Variants in CDH23 observed in about 807,000 individuals in gnomAD.
CDH23 encodes cadherin-23.
Under a neutral mutation model 317.1 loss-of-function variants are expected in CDH23, and 189 were observed. The ratio of observed to expected loss-of-function variants is 0.60; its 90% CI spans 0.53 to 0.67. CDH23 has a LOEUF of 0.67. Ranked by LOEUF, CDH23 falls within the 30% of genes least tolerant of loss-of-function variation. The probability of loss-of-function intolerance (pLI) is 0.00; values close to 1 mark genes in which losing one functional copy is unlikely to be tolerated. For synonymous variants in CDH23, 1,839 were observed against 1,876.8 expected, an observed-to-expected ratio of 0.98 and a Z score of 0.52; for missense variants, 4,401 against 4,592.4, an observed-to-expected ratio of 0.96 and a Z score of 1.20.
intron 6 of CDH23, among the ~76,000 whole-genome samples, chr10:71,514,909 A>G (rs890024186): frequency 6.6e-6 from 1 of 152,108 alleles, no homozygotes; most frequent in Non-Finnish European, 1.5e-5. Context: ...ATGGCGTTCC[A>G]ATTTGCTCAA....
chr10:71,407,660 C>T (rs925258108), intron 1 of CDH23, among the ~76,000 whole-genome samples: 2 of 152,248 alleles, frequency 1.3e-5, no homozygotes, highest in African/African-American at 4.8e-5. Context: ...GGCCGTGCAT[C>T]TTAGTCCTAA....
intron 8 of CDH23, among the ~76,000 whole-genome samples, chr10:71,573,767 C>T (rs563773960): frequency 6.6e-6 from 1 of 152,352 alleles, no homozygotes; most frequent in African/African-American, 2.4e-5. Flanking sequence ...CTGGGGGAGC[C>T]AGAAAAGGCA....
intron 32 of CDH23, among the ~76,000 whole-genome samples, chr10:71,733,398 T>C (rs1839455188): frequency 1.3e-5 from 2 of 152,208 alleles, no homozygotes; most frequent in South Asian, 4.1e-4. Flanking sequence ...CTCCAGCCTC[T>C]GTCCTCTTCC....
chr10:71,458,439 C>G, intron 3 of CDH23, among the ~76,000 whole-genome samples: 1 of 152,262 alleles, frequency 6.6e-6, no homozygotes, highest in East Asian at 1.9e-4. Context: ...CCCTTAACCT[C>G]TCTGAACCTC....
chr10:71,590,307 C>T (rs918941612), intron 9 of CDH23, among the ~76,000 whole-genome samples: 2 of 152,234 alleles, frequency 1.3e-5, no homozygotes, highest in Non-Finnish European at 2.9e-5. Flanking sequence ...TATTGCTCAA[C>T]ATCTGATTCT....
At chr10:71,566,978 T>C (rs1224636170) in intron 7 of CDH23, 42 bp downstream of exon 7, 1 of 1,587,992 alleles carries the variant, frequency 6.3e-7, no homozygotes, top group African/African-American at 1.3e-5. Flanking sequence ...CAGCTGCCTC[T>C]TCCCACCCTG....
intron 1 of CDH23, among the ~76,000 whole-genome samples, chr10:71,435,949 G>C (rs1554824183): frequency 2.0e-5 from 3 of 152,246 alleles, no homozygotes; most frequent in Non-Finnish European, 2.9e-5. Flanking sequence ...ATCAGCCTCT[G>C]CTCTCTCTGG....
intron 33 of CDH23, 83 bp from the exon 34 acceptor site, chr10:71,734,573 G>A (rs1310279666): frequency 3.1e-6 from 5 of 1,604,814 alleles, no homozygotes; most frequent in Middle Eastern, 1.7e-4. Flanking sequence ...CCGGGAGTGG[G>A]GTCTGGAAGA....
At chr10:71,566,062 C>T (rs941591736) in intron 6 of CDH23, among the ~76,000 whole-genome samples, 13 of 152,144 alleles carry the variant, frequency 8.5e-5, no homozygotes, top group African/African-American at 2.2e-4. Flanking sequence ...AAGGGGGAGA[C>T]GGGAATGGAC....
intron 28 of CDH23, chr10:71,719,757 C>G (rs1014834098): frequency 6.6e-6 from 1 of 152,428 alleles, no homozygotes; most frequent in Non-Finnish European, 1.5e-5. Context: ...CTGCAGCCCT[C>G]GGTCAGCCTG....
chr10:71,777,618 T>G, intron 38 of CDH23, 62 bp from the exon 39 acceptor site: 1 of 1,464,694 alleles, frequency 6.8e-7, no homozygotes, highest in Non-Finnish European at 9.4e-7. Flanking sequence ...AGAACAGCCA[T>G]CTGGATCCAC....
chr10:71,774,890 GC>G (rs1274582541), intron 38 of CDH23, among the ~76,000 whole-genome samples: 1 of 152,180 alleles, frequency 6.6e-6, no homozygotes, highest in Non-Finnish European at 1.5e-5. Flanking sequence ...CTTGTGGGTG[GC>G]CTGATCCAAG....
chr10:71,615,720 G>T, intron 10 of CDH23, 104 bp downstream of exon 10: 2 of 791,890 alleles, frequency 2.5e-6, no homozygotes, highest in Non-Finnish European at 4.2e-6. Context: ...TGGTGGCGCC[G>T]GAAGCACTTC....
chr10:71,815,587 G>A lies in CDH23; in HGVS notation c.*309G>A. 1 of 260,796 alleles carries A rather than the reference G, an allele frequency of 3.8e-6. No individual in the cohort carries two copies. The allele number at this position is 260,796 out of a possible 1,614,324, so 16.2% of individuals were successfully genotyped here. ...AGAGTCTGGGGACCAGCTTGGCTCA[G>A]GCTGAGCTGAAAGAGGCCAAACAGG... is the stretch of plus-strand genomic sequence containing the variant. On this transcript the variant is annotated 3_prime_UTR_variant, in exon 70 of 70. Coordinates refer to ENST00000224721, the MANE Select transcript of CDH23 (RefSeq NM_022124.6).
intron 14 of CDH23, among the ~76,000 whole-genome samples, chr10:71,674,448 T>A (rs1391517877): frequency 6.6e-6 from 1 of 152,214 alleles, no homozygotes; most frequent in East Asian, 1.9e-4. Context: ...AAAGTCAGTC[T>A]GAGGCCTTTC....
chr10:71,454,288 T>A (rs1003050551), intron 3 of CDH23, among the ~76,000 whole-genome samples: 1 of 152,218 alleles, frequency 6.6e-6, no homozygotes, highest in Non-Finnish European at 1.5e-5. Context: ...AACGAGCAAA[T>A]TGTAAAACCC....
rs1473376256 is a variant in CDH23, at chr10:71,732,346, AAAGCCCTCTTC to A, written c.4079_4089del (p.Ala1360AspfsTer17). The A allele has an allele frequency of 6.3e-7, 1 of 1,577,960 alleles. No homozygotes were observed. Among genetic ancestry groups the A allele is most frequent in the Admixed American group, 1.9e-5 (1 of 53,948 alleles). On this transcript the variant is annotated frameshift_variant, in exon 32 of 70. Transcript: ENST00000224721. LOFTEE classifies it high-confidence loss of function. ...CAACGCCTACACCAGCACCCAGGCC[AAAGCCCTCTTC>A]AAGATAGACGCCATCACGGTGAGGG...
intron 45 of CDH23, 64 bp from the exon 46 acceptor site, chr10:71,790,224 C>T: frequency 6.3e-7 from 1 of 1,591,772 alleles, no homozygotes; most frequent in Non-Finnish European, 8.6e-7. Context: ...CGGGACAGGG[C>T]AGGGGAGGTG....
At chr10:71,437,825 GCAGCTGCCACTTTTCAA>G (rs1262032712) in intron 1 of CDH23, among the ~76,000 whole-genome samples, 2 of 152,156 alleles carry the variant, frequency 1.3e-5, no homozygotes, top group Non-Finnish European at 2.9e-5. Context: ...AAACACATCA[GCAGCTGCCACTTTTCAA>G]CAGAGAGCAT....
Sources: allele counts gnomAD v4.1 joint callset (sites outside exome capture counted in the v4.1 genomes callset), GRCh38; gene constraint gnomAD v4.1.1; transcripts MANE v1.5; gene names NCBI Gene and HGNC (gene_info 2026-07-23, HGNC 2026-07-21).